Variants in SRGAP2 observed in about 807,000 individuals in gnomAD.
SRGAP2 encodes the protein SLIT-ROBO Rho GTPase-activating protein 2.
A neutral mutation model predicts 57.2 loss-of-function variants in SRGAP2; 15 were observed. That is an observed-to-expected ratio of 0.26 (90% CI 0.18 to 0.40). SRGAP2 has a LOEUF of 0.40. Among genes scored for constraint, SRGAP2 ranks in the 10% least tolerant of loss-of-function variants. The pLI is 1.00. For synonymous variants in SRGAP2, 249 were observed against 248.0 expected (o/e 1.00, Z -0.04); for missense variants, 520 against 669.6 (o/e 0.78, Z 2.47).
At chr1:206,278,402 G>T (rs1310679437) in intron 2 of SRGAP2, among the ~76,000 whole-genome samples, 1 of 136,552 alleles carries the variant, frequency 7.3e-6, no homozygotes, top group Admixed American at 7.5e-5. Context: ...AGGTTGGAGT[G>T]CAGTGGCACC....
intron 2 of SRGAP2, among the ~76,000 whole-genome samples, chr1:206,298,279 T>C (rs1167681700): frequency 2.7e-5 from 4 of 150,728 alleles, no homozygotes; most frequent in African/African-American, 7.3e-5. Context: ...TGGAGTTCAA[T>C]GTCATGGCCA....
chr1:206,454,622 C>G lies in SRGAP2; in HGVS notation c.2361-256C>G, dbSNP rs1663655665. 2 of 479,996 alleles carry G rather than the reference C, an allele frequency of 4.2e-6. No homozygotes were observed. Among genetic ancestry groups the G allele is most frequent in the East Asian group, 7.3e-5 (2 of 27,236 alleles). The allele number at this position is 479,996 out of a possible 1,614,324, so 29.7% of individuals were successfully genotyped here. A position where few individuals can be genotyped will look rare whatever the true frequency, so the allele number is the denominator to read the frequency against. On this transcript the variant is annotated intron_variant, in intron 20 of 22. Coordinates refer to ENST00000573034, the MANE Select transcript of SRGAP2 (RefSeq NM_015326.5). The surrounding 1 kb of genome is among the most constrained non-coding windows in gnomAD (Gnocchi z 4.3). ...AGGCAGATGCCTCGAATCCAGGTGT[C>G]CCCTAGCCACGCTTTCCTGAGGAGC...
In SRGAP2 at chr1:206,440,234, G is replaced by A. The variant is rs140420643; in HGVS notation, c.1874+153G>A. Among the ~76,000 whole-genome samples, 494 of 152,210 alleles carry A rather than the reference G, an allele frequency of 3.2e-3. 1 individual carries two copies. Among genetic ancestry groups the A allele is most frequent in the Non-Finnish European group, 4.7e-3 (321 of 68,022 alleles). ...CAGTGCTAGACTTATTTAATACATCGTTAAATAAAAGATGAAAGCCTTGAT... is the reference window on the plus strand; with the variant it reads ...CAGTGCTAGACTTATTTAATACATCATTAAATAAAAGATGAAAGCCTTGAT... On this transcript the variant is annotated intron_variant, in intron 17 of 22. Coordinates refer to ENST00000573034, the MANE Select transcript of SRGAP2 (RefSeq NM_015326.5).
chr1:206,222,708 AG>A (rs781951283), intron 2 of SRGAP2, among the ~76,000 whole-genome samples: 1 of 151,280 alleles, frequency 6.6e-6, no homozygotes, highest in East Asian at 1.9e-4. Flanking sequence ...TGTAATGGCA[AG>A]ATTGTACATT....
At position 206,454,452 on chromosome 1, in the gene SRGAP2, G is replaced by A. The variant is rs1184668630; in HGVS notation, c.2361-426G>A. On this transcript the variant is annotated intron_variant, in intron 20 of 22. Transcript: ENST00000573034. This position sits in a 1 kb window ranked among gnomAD's most constrained non-coding sequence, Gnocchi z 4.3. ...TGTGGCGGTGTCCTGCCACGACGCC[G>A]CCGTCTCCAGAGCCACCACACAGTT... 9.3e-5 allele frequency: 45 copies of A among 482,612 alleles called. No individual in the cohort carries two copies. The highest frequency in any genetic ancestry group is 1.2e-4 in the Non-Finnish European group (34 of 272,138). The allele number at this position is 482,612 out of a possible 1,614,324, so 29.9% of individuals were successfully genotyped here. A position where few individuals can be genotyped will look rare whatever the true frequency, so the allele number is the denominator to read the frequency against.
chr1:206,309,845 A>G (rs188990010), intron 3 of SRGAP2, among the ~76,000 whole-genome samples: 2 of 151,222 alleles, frequency 1.3e-5, no homozygotes, highest in Non-Finnish European at 2.9e-5. Context: ...AGGGAAGAGA[A>G]AGAGGAGAAC....
At chr1:206,277,119 C>T (rs1238771931) in intron 2 of SRGAP2, among the ~76,000 whole-genome samples, 1 of 151,756 alleles carries the variant, frequency 6.6e-6, no homozygotes, top group Non-Finnish European at 1.5e-5. Context: ...CATGTGCCAC[C>T]ACACCCGGCT....
At chr1:206,410,790 T>A (rs1444946387) in intron 10 of SRGAP2, among the ~76,000 whole-genome samples, 2 of 152,228 alleles carry the variant, frequency 1.3e-5, no homozygotes, top group Non-Finnish European at 2.9e-5. Flanking sequence ...AATTCCCTCC[T>A]CATAGGCAGT....
intron 2 of SRGAP2, among the ~76,000 whole-genome samples, chr1:206,268,081 A>ATATT (rs1182456996): frequency 1.3e-4 from 19 of 145,288 alleles, no homozygotes; most frequent in South Asian, 8.6e-4. Context: ...ATATATATAT[A>ATATT]TTTTTTTTTT....
intron 15 of SRGAP2, 141 bp from the exon 16 acceptor site, chr1:206,437,823 C>G: frequency 1.5e-6 from 1 of 680,470 alleles, no homozygotes; most frequent in Non-Finnish European, 2.7e-6. Context: ...CCTGGTCTGT[C>G]CCACTCATGG....
chr1:206,312,110 C>T (rs1254990489), intron 3 of SRGAP2: 4 of 152,148 alleles, frequency 2.6e-5, no homozygotes, highest in Non-Finnish European at 5.9e-5. Context: ...TCATCACCTC[C>T]CCCGGAGCTG....
chr1:206,327,113 G>T (rs1673978062), intron 3 of SRGAP2, among the ~76,000 whole-genome samples: 1 of 152,064 alleles, frequency 6.6e-6, no homozygotes, highest in African/African-American at 2.4e-5. Context: ...GATCACCTGA[G>T]GTCAGGAGTT....
chr1:206,221,381 C>G (rs1666979953), intron 2 of SRGAP2, among the ~76,000 whole-genome samples: 1 of 150,118 alleles, frequency 6.7e-6, no homozygotes, highest in African/African-American at 2.5e-5. Context: ...GGGTAATTTG[C>G]AAAGAAACCA....
At chr1:206,254,776 C>T (rs1222068326) in intron 2 of SRGAP2, among the ~76,000 whole-genome samples, 1 of 151,408 alleles carries the variant, frequency 6.6e-6, no homozygotes. Context: ...GCGATTACAG[C>T]CTGCACCCCT....
At chr1:206,447,469 C>G (rs982768610) in intron 18 of SRGAP2, among the ~76,000 whole-genome samples, 4 of 152,192 alleles carry the variant, frequency 2.6e-5, no homozygotes, top group Admixed American at 1.3e-4. Flanking sequence ...CTGGGTTCAT[C>G]CCTCTCTGCT....
intron 20 of SRGAP2, chr1:206,453,815 C>G (rs1663568877): frequency 3.2e-6 from 1 of 309,498 alleles, no homozygotes; most frequent in East Asian, 5.6e-5. Flanking sequence ...CTTCCACTTG[C>G]AAATTAAAAT....
At chr1:206,458,166 C>A (rs116793217) in intron 21 of SRGAP2, among the ~76,000 whole-genome samples, 19 of 152,336 alleles carry the variant, frequency 1.2e-4, no homozygotes, top group African/African-American at 3.6e-4. Flanking sequence ...AAAACAGTTA[C>A]AGTCTTTTTG....
intron 11 of SRGAP2, 68 bp downstream of exon 11, chr1:206,416,041 C>G: frequency 1.4e-6 from 1 of 707,828 alleles, no homozygotes; most frequent in Non-Finnish European, 2.6e-6. Flanking sequence ...GCTGAGCACA[C>G]GCCTCCATCC....
At chr1:206,366,484 CA>C (rs1654025594) in intron 4 of SRGAP2, among the ~76,000 whole-genome samples, 1 of 151,752 alleles carries the variant, frequency 6.6e-6, no homozygotes, top group African/African-American at 2.4e-5. Context: ...AGACACAGCT[CA>C]ATTGTCCCCA....
Sources: gnomAD v4.1 joint callset for allele counts (sites outside exome capture counted in the v4.1 genomes callset) on GRCh38, gnomAD v4.1.1 for gene constraint, Gnocchi (gnomAD v3.1) non-coding constraint, MANE v1.5 for transcripts, NCBI Gene and HGNC (gene_info 2026-07-23, HGNC 2026-07-21) for gene names.